Variants in KIAA0513 observed in about 807,000 individuals in gnomAD.
The protein encoded by KIAA0513 is uncharacterized protein KIAA0513.
A neutral mutation model predicts 56.5 loss-of-function variants in KIAA0513; 39 were observed. The observed-to-expected ratio is 0.69, with a 90% confidence interval of 0.53 to 0.90. The LOEUF (loss-of-function observed/expected upper bound fraction) is 0.90, where lower values mean the gene tolerates loss of function less well. Among genes scored for constraint, KIAA0513 ranks in the 40% least tolerant of loss-of-function variants. The pLI is 0.00. For missense variants in KIAA0513, 591 were observed against 535.2 expected (o/e 1.10, Z -1.03); for synonymous variants, 268 against 215.6 (o/e 1.24, Z -2.13).
intron 7 of KIAA0513, 125 bp downstream of exon 7, chr16:85,078,580 T>C: frequency 1.2e-6 from 1 of 850,808 alleles, no homozygotes; most frequent in Non-Finnish European, 1.8e-6. Flanking sequence ...CCCTGGGTGA[T>C]GCCCCAGTTG....
chr16:85,072,708 C>T (rs1235631783), intron 3 of KIAA0513, among the ~76,000 whole-genome samples: 2 of 152,204 alleles, frequency 1.3e-5, no homozygotes, highest in Non-Finnish European at 2.9e-5. Flanking sequence ...AGGGGAACCC[C>T]TGCATGTGCC....
At chr16:85,067,855 G>C (rs971501458) in intron 2 of KIAA0513, among the ~76,000 whole-genome samples, 2 of 151,790 alleles carry the variant, frequency 1.3e-5, no homozygotes, top group African/African-American at 2.4e-5. Context: ...CTGTCACCCA[G>C]GCTGGAGTGC....
chr16:85,069,246 T>A (rs1222464442), intron 2 of KIAA0513, among the ~76,000 whole-genome samples: 5 of 151,494 alleles, frequency 3.3e-5, no homozygotes, highest in Non-Finnish European at 1.5e-5. Flanking sequence ...GGTCTCACTC[T>A]GTCACCCAGG....
At chr16:85,082,377 AG>A (rs1242258060) in intron 9 of KIAA0513, among the ~76,000 whole-genome samples, 186 bp from the exon 10 acceptor site, 5 of 152,106 alleles carry the variant, frequency 3.3e-5, no homozygotes, top group African/African-American at 1.2e-4. Context: ...CCCTAGGCAG[AG>A]GGGCGTTGCC....
chr16:85,061,648 G>T (rs983750541), intron 1 of KIAA0513, among the ~76,000 whole-genome samples: 1 of 152,198 alleles, frequency 6.6e-6, no homozygotes, highest in Admixed American at 6.5e-5. Context: ...GCTCTTGTCT[G>T]ATTGCCCAAG....
At chr16:85,065,099 T>G (rs184414049) in intron 1 of KIAA0513, among the ~76,000 whole-genome samples, 3 of 152,384 alleles carry the variant, frequency 2.0e-5, no homozygotes, top group Admixed American at 2.0e-4. Context: ...TAGCTTAATG[T>G]TCCTACTATA....
At chr16:85,087,282 G>A (rs747235699) in intron 12 of KIAA0513, 116 bp downstream of exon 12, 53 of 809,836 alleles carry the variant, frequency 6.5e-5, no homozygotes, top group Non-Finnish European at 9.5e-5. Context: ...AGTCGGAAAC[G>A]TGGTGCTGAG....
chr16:85,047,739 T>A (rs2073191514), intron 1 of KIAA0513, among the ~76,000 whole-genome samples: 1 of 152,166 alleles, frequency 6.6e-6, no homozygotes. Flanking sequence ...TTCCTGTTAC[T>A]AGATGCTTCT....
At position 85,080,388 on chromosome 16, in the gene KIAA0513, T is replaced by A. The variant is rs560971401; in HGVS notation, c.903-927T>A. Reference sequence around the variant, plus strand: ...TGTAGCGTGAACACCACCAGAGACGTTGTATAAATGGATGAGCGTGGCTTG... The same window carrying A: ...TGTAGCGTGAACACCACCAGAGACGATGTATAAATGGATGAGCGTGGCTTG... On this transcript the variant is annotated intron_variant, in intron 8 of 12. Coordinates refer to ENST00000683363, the MANE Select transcript of KIAA0513 (RefSeq NM_001388359.1). Among the ~76,000 whole-genome samples, 14 of 152,204 alleles carry A rather than the reference T, an allele frequency of 9.2e-5. No homozygotes were observed. In the South Asian group the frequency reaches 1.9e-3, roughly 20 times the overall value.
intron 2 of KIAA0513, 36 bp from the exon 3 acceptor site, chr16:85,071,747 T>G (rs763897630): frequency 2.7e-6 from 4 of 1,475,814 alleles, no homozygotes; most frequent in East Asian, 2.3e-5. Context: ...AAAGGGTTTT[T>G]TTTTTTTTTC....
intron 10 of KIAA0513, 89 bp from the exon 11 acceptor site, chr16:85,086,555 G>A (rs772317563): frequency 2.0e-5 from 26 of 1,296,704 alleles, no homozygotes; most frequent in South Asian, 2.5e-5. Context: ...CATGGGTGCC[G>A]CCAGCACCTG....
At chr16:85,042,517 G>T (rs894811333) in intron 1 of KIAA0513, among the ~76,000 whole-genome samples, 1 of 152,110 alleles carries the variant, frequency 6.6e-6, no homozygotes, top group Non-Finnish European at 1.5e-5. Flanking sequence ...TTCCATCTTT[G>T]CTCTGTAGCC....
chr16:85,075,809 C>G (rs1159457889), intron 4 of KIAA0513, 35 bp from the exon 5 acceptor site: 2 of 1,606,548 alleles, frequency 1.2e-6, no homozygotes, highest in Admixed American at 1.7e-5. Context: ...GCAGGTGGAG[C>G]GATCTTTAGC....
rs1336603989 is a variant in KIAA0513, at chr16:85,090,634, C to T, written c.*2309C>T. The T allele has an allele frequency of 1.3e-5, 2 of 152,276 alleles. No homozygotes were observed. Among genetic ancestry groups the T allele is most frequent in the Admixed American group, 1.3e-4 (2 of 15,280 alleles). 9.4% of individuals were successfully genotyped at this position (152,276 alleles called of 1,614,324 possible). On this transcript the variant is annotated 3_prime_UTR_variant, in exon 13 of 13. Coordinates refer to ENST00000683363, the MANE Select transcript of KIAA0513 (RefSeq NM_001388359.1). ...TTCTTTGTTTGTTTGTTTGTTTCCC[C>T]CTTTACTACCTGTTCTTGTAGATCT... is the stretch of plus-strand genomic sequence containing the variant.
intron 12 of KIAA0513, among the ~76,000 whole-genome samples, chr16:85,087,875 C>G (rs2073827651): frequency 6.6e-6 from 1 of 152,236 alleles, no homozygotes; most frequent in African/African-American, 2.4e-5. Flanking sequence ...TGCTCGCAGC[C>G]CCACCTCACT....
At chr16:85,071,995 A>G in intron 3 of KIAA0513, 113 bp downstream of exon 3, 2 of 739,412 alleles carry the variant, frequency 2.7e-6, no homozygotes, top group Non-Finnish European at 2.3e-6. Flanking sequence ...GAGTCAAGGG[A>G]AAGGACCCAA....
rs530965284 is a variant in KIAA0513, at chr16:85,076,182, A to T, written c.574+268A>T. ...CAAAGGAAACTCCTGAGCTGGTAGGAGATGAGAAAAGAAACAAGCTAGGCA... is the reference window on the plus strand; with the variant it reads ...CAAAGGAAACTCCTGAGCTGGTAGGTGATGAGAAAAGAAACAAGCTAGGCA... On this transcript the variant is annotated intron_variant, in intron 5 of 12. Transcript: ENST00000683363. The surrounding 1 kb of genome is among the most constrained non-coding windows in gnomAD (Gnocchi z 4.7). Among the ~76,000 whole-genome samples the T allele has an allele frequency of 6.6e-6, 1 of 152,316 alleles. No homozygotes were observed. The highest frequency in any genetic ancestry group is 1.9e-4 in the East Asian group (1 of 5,184).
intron 1 of KIAA0513, among the ~76,000 whole-genome samples, chr16:85,041,799 C>T (rs577455314): frequency 2.6e-5 from 4 of 152,240 alleles, no homozygotes; most frequent in African/African-American, 4.8e-5. Flanking sequence ...GCTGGTGACA[C>T]GGTGGGTGGA....
chr16:85,038,763 T>C (rs1039338), intron 1 of KIAA0513, among the ~76,000 whole-genome samples: 68,048 of 147,504 alleles, frequency 0.46, 17,407 homozygotes, highest in African/African-American at 0.68. Flanking sequence ...TCTATTTAAC[T>C]CAATGTATCC....
Sources: gnomAD v4.1 joint callset for allele counts (sites outside exome capture counted in the v4.1 genomes callset) on GRCh38, gnomAD v4.1.1 for gene constraint, Gnocchi (gnomAD v3.1) non-coding constraint, MANE v1.5 for transcripts, NCBI Gene and HGNC (gene_info 2026-07-23, HGNC 2026-07-21) for gene names.